DHRS4L2: variants seen among roughly 807,000 people sequenced by gnomAD.
DHRS4L2 encodes the protein dehydrogenase/reductase 4 like 2.
DHRS4L2 carries 22 observed loss-of-function variants against 23.9 expected under a neutral mutation model. The observed-to-expected ratio is 0.92, with a 90% CI of 0.66 to 1.31. The LOEUF is 1.31. DHRS4L2 is among the 40% of genes most tolerant of loss of function. The probability of loss-of-function intolerance (pLI) is 0.00; values close to 1 mark genes in which losing one functional copy is unlikely to be tolerated. For missense variants in DHRS4L2, 385 were observed against 303.3 expected (o/e 1.27, Z -2.00); for synonymous variants, 141 against 123.7 (o/e 1.14, Z -0.93).
chr14:23,991,730 T>G (rs1171791026), intron 2 of DHRS4L2, among the ~76,000 whole-genome samples: 1 of 139,182 alleles, frequency 7.2e-6, no homozygotes, highest in Non-Finnish European at 1.5e-5. Flanking sequence ...GCCATGGGCC[T>G]CCATATCTTT....
At chr14:23,985,708 T>A (rs1287868543), upstream of DHRS4L2, among the ~76,000 whole-genome samples, 1 of 151,638 alleles carries the variant, frequency 6.6e-6, no homozygotes, top group African/African-American at 2.4e-5. Flanking sequence ...GGTTTCTTGT[T>A]CCTCTTCTTT....
rs770433652 is a variant in DHRS4L2, at chr14:23,990,233, C to T, written c.180C>T (p.Val60=). ...TGGCCCAGGACAGGGCCCACGTGGTCGTCAGCAGCCGGAAGCAGCAGAATG... is the reference window on the plus strand; with the variant it reads ...TGGCCCAGGACAGGGCCCACGTGGTTGTCAGCAGCCGGAAGCAGCAGAATG... ...RRLAQDRAHV[V]VSSRKQQNVD... is the part of the protein sequence containing the mutation. Residue 60 remains valine (V), a synonymous_variant, in exon 2 of 8, where the codon GTC becomes GTT. Coordinates refer to ENST00000335125, the MANE Select transcript of DHRS4L2 (RefSeq NM_198083.4). 11 of 1,612,684 alleles carry T rather than the reference C, an allele frequency of 6.8e-6. No individual in the cohort carries two copies. The highest frequency in any genetic ancestry group is 6.7e-5 in the African/African-American group (5 of 74,830).
rs749227142 is a variant in DHRS4L2 at position 23,990,300 on chromosome 14, G to T, written c.247G>T (p.Val83Leu). 6.2e-7 allele frequency: 1 copy of T among 1,612,248 alleles called. No homozygotes were observed. The highest frequency in any genetic ancestry group is 2.2e-5 in the East Asian group (1 of 44,856). ...CACGCTGCAGGGGGAGGGGCTGAGCGTGACGGGCACTGTGTGCCATGTGGG... is the reference window on the plus strand; with the variant it reads ...CACGCTGCAGGGGGAGGGGCTGAGCTTGACGGGCACTGTGTGCCATGTGGG... ...VATLQGEGLS[V>L]TGTVCHVGKA... Residue 83 changes from valine (V) to leucine (L), a missense_variant, in exon 2 of 8, where the codon GTG becomes TTG. By Grantham distance (32) the Val-to-Leu change is conservative. Coordinates refer to ENST00000335125, the MANE Select transcript of DHRS4L2 (RefSeq NM_198083.4).
upstream of DHRS4L2, among the ~76,000 whole-genome samples, chr14:23,988,313 A>T (rs369419477): frequency 8.0e-4 from 119 of 148,228 alleles, 4 homozygotes; most frequent in African/African-American, 2.8e-3. Context: ...GGGATATGAG[A>T]TCCTGTTTTG....
intron 2 of DHRS4L2, chr14:23,990,912 C>A: frequency 1.2e-6 from 1 of 852,828 alleles, no homozygotes; most frequent in Non-Finnish European, 1.4e-6. Context: ...ACCCAGACCT[C>A]CCAAGCTCCC....
chr14:23,995,287 T>G (rs2034358166), intron 3 of DHRS4L2, among the ~76,000 whole-genome samples, 154 bp downstream of exon 3: 1 of 151,712 alleles, frequency 6.6e-6, no homozygotes, highest in Non-Finnish European at 1.5e-5. Flanking sequence ...AAAGGGCAGG[T>G]GGGGGTGGCT....
chr14:23,997,919 A>G lies in DHRS4L2; in HGVS notation c.408+2786A>G, dbSNP rs1220100809. ...CAGAAGGTTTTCAGTTAACTTTGCC[A>G]ACATCCATCAGAGGAATCACTATCC... On this transcript the variant is annotated intron_variant, in intron 3 of 7. Transcript: ENST00000335125. 4.6e-3 allele frequency among the ~76,000 whole-genome samples: 690 copies of G among 150,934 alleles called. 3 individuals carry two copies. The highest frequency in any genetic ancestry group is 6.9e-3 in the African/African-American group (285 of 41,234).
chr14:23,980,925 A>G (rs1226191403), intron 1 of DHRS4L2, among the ~76,000 whole-genome samples: 1 of 151,698 alleles, frequency 6.6e-6, no homozygotes, highest in African/African-American at 2.4e-5. Flanking sequence ...CACCACTCCT[A>G]TTCAACATAC....
At position 24,001,379 on chromosome 14, in the gene DHRS4L2, T is replaced by C. The variant is rs1444717557; in HGVS notation, c.532-5T>C. Reference sequence around the variant, plus strand: ...TGAGTCTAACACATTCTCTTCTTTCTCCAGGGCTTCAGTCCTTACAATGTC... The same window carrying C: ...TGAGTCTAACACATTCTCTTCTTTCCCCAGGGCTTCAGTCCTTACAATGTC... On this transcript the variant is annotated splice_polypyrimidine_tract_variant and splice_region_variant and intron_variant, in intron 5 of 7. Transcript: ENST00000335125. The C allele has an allele frequency of 1.2e-6, 2 of 1,604,190 alleles. No individual in the cohort carries two copies. The highest frequency in any genetic ancestry group is 2.8e-5 in the African/African-American group (2 of 70,340).
chr14:23,970,248 C>T, exon 1 of DHRS4L2: 5 of 451,716 alleles, frequency 1.1e-5, no homozygotes, highest in South Asian at 7.8e-5. Context: ...CTACCCCAAG[C>T]ATCCAGACTC....
At chr14:23,990,990 A>G (rs2034257992) in intron 2 of DHRS4L2, 2 of 682,510 alleles carry the variant, frequency 2.9e-6, no homozygotes, top group Non-Finnish European at 3.6e-6. Flanking sequence ...ACATAAGTCA[A>G]TGTCATAATT....
chr14:23,987,515 A>T (rs1361281626), upstream of DHRS4L2, among the ~76,000 whole-genome samples: 2 of 151,630 alleles, frequency 1.3e-5, 1 homozygote, highest in Non-Finnish European at 2.9e-5. Context: ...TTCAAAAGTC[A>T]TGCCTAGAAC....
chr14:23,989,085 G>C lies in DHRS4L2; in HGVS notation c.128+10G>C, dbSNP rs1429503815. 3.8e-6 allele frequency: 6 copies of C among 1,561,918 alleles called. 1 individual carries two copies. Among genetic ancestry groups the C allele is most frequent in the Non-Finnish European group, 5.2e-6 (6 of 1,153,796 alleles). On this transcript the variant is annotated intron_variant, in intron 1 of 7. Transcript: ENST00000335125. ...CGGCCTCCACCGACGGGTGAGTGTTGGTGCCGGAGTTTCTGAGGCCCTGGC... is the reference window on the plus strand; with the variant it reads ...CGGCCTCCACCGACGGGTGAGTGTTCGTGCCGGAGTTTCTGAGGCCCTGGC...
At chr14:23,997,792 GTTGGAATCAAC>G (rs1438492613) in intron 3 of DHRS4L2, among the ~76,000 whole-genome samples, 1 of 151,512 alleles carries the variant, frequency 6.6e-6, no homozygotes, top group Non-Finnish European at 1.5e-5. Flanking sequence ...ATCCATGAGG[GTTGGAATCAAC>G]TTCTTCCAGA....
chr14:23,992,487 G>T (rs894968972), intron 2 of DHRS4L2, among the ~76,000 whole-genome samples: 6 of 151,536 alleles, frequency 4.0e-5, no homozygotes, highest in African/African-American at 1.5e-4. Context: ...ACTGCCCTGA[G>T]AATGGATACT....
At chr14:23,991,582 C>T (rs141079169) in intron 2 of DHRS4L2, among the ~76,000 whole-genome samples, 12,092 of 151,492 alleles carry the variant, frequency 0.08, 1,579 homozygotes, top group African/African-American at 0.26. Context: ...GGAATAGTGA[C>T]GAGGTTCCAG....
upstream of DHRS4L2, chr14:23,988,842 C>G: frequency 6.9e-7 from 1 of 1,454,996 alleles, no homozygotes; most frequent in Non-Finnish European, 9.1e-7. Context: ...TGGCCGAGGG[C>G]GGGAAGGGGG....
intron 1 of DHRS4L2, among the ~76,000 whole-genome samples, chr14:23,977,832 T>C (rs1195153129): frequency 2.6e-5 from 4 of 151,582 alleles, no homozygotes; most frequent in Middle Eastern, 3.2e-3. Flanking sequence ...CCCACAATTA[T>C]TGCACCCTCT....
intron 5 of DHRS4L2, 129 bp downstream of exon 5, chr14:24,001,213 T>A: frequency 6.3e-7 from 1 of 1,584,820 alleles, no homozygotes; most frequent in Non-Finnish European, 8.6e-7. Flanking sequence ...ACAAAATAGA[T>A]GCCTTGCCTC....
Sources: gnomAD v4.1 joint callset for allele counts (sites outside exome capture counted in the v4.1 genomes callset) on GRCh38, gnomAD v4.1.1 for gene constraint, MANE v1.5 for transcripts, NCBI Gene and HGNC (gene_info 2026-07-23, HGNC 2026-07-21) for gene names.